PARD3B: variants seen among roughly 807,000 people sequenced by gnomAD.
PARD3B encodes the protein partitioning defective 3 homolog B.
In PARD3B, 103 loss-of-function variants were observed where a neutral mutation model predicts 130.2. That is an observed-to-expected ratio of 0.79 (90% CI 0.67 to 0.93). The LOEUF is 0.93. Ranked by LOEUF, PARD3B falls within the 40% of genes least tolerant of loss-of-function variation. The pLI is 0.00. For synonymous variants in PARD3B, 583 were observed against 553.2 expected, an observed-to-expected ratio of 1.05 and a Z score of -0.76; for missense variants, 1,609 against 1,499.2, an observed-to-expected ratio of 1.07 and a Z score of -1.21.
At chr2:205,344,579 C>T (rs2043678400) in intron 18 of PARD3B, among the ~76,000 whole-genome samples, 1 of 152,136 alleles carries the variant, frequency 6.6e-6, no homozygotes, top group Non-Finnish European at 1.5e-5. Flanking sequence ...TGACTTCAAC[C>T]CTTTTCTATG....
intron 2 of PARD3B, among the ~76,000 whole-genome samples, chr2:204,742,988 T>C (rs916223149): frequency 7.8e-4 from 119 of 152,318 alleles, no homozygotes; most frequent in African/African-American, 2.6e-3. Flanking sequence ...GTCCACACTC[T>C]TTGTTTTGTA....
rs778533377 is a variant in PARD3B, at chr2:205,300,642, G to A, written c.2298G>A (p.Arg766=). The A allele has an allele frequency of 1.1e-5, 17 of 1,613,760 alleles. No homozygotes were observed. Among genetic ancestry groups the A allele is most frequent in the African/African-American group, 1.3e-5 (1 of 74,894 alleles). The change falls in exon 17 of 23, where the codon AGG becomes AGA. Residue 766 remains arginine, a synonymous_variant. Coordinates refer to ENST00000406610, the MANE Select transcript of PARD3B (RefSeq NM_001302769.2). This position sits in a 1 kb window ranked among gnomAD's most constrained non-coding sequence, Gnocchi z 4.1. ...EVRKNDLPFH[R]PRPHMVRGRG... is the part of the protein sequence containing the mutation. ...GGAAGAATGACCTTCCCTTTCACAG[G>A]CCCCGGCCGCACATGGTTCGAGGCC...
intron 2 of PARD3B, among the ~76,000 whole-genome samples, chr2:204,830,840 G>T (rs904389960): frequency 6.6e-6 from 1 of 152,160 alleles, no homozygotes; most frequent in African/African-American, 2.4e-5. Context: ...CAAGGGAGGA[G>T]AACACTTATT....
At chr2:204,714,642 A>G (rs1451136897) in intron 2 of PARD3B, among the ~76,000 whole-genome samples, 14 of 152,212 alleles carry the variant, frequency 9.2e-5, no homozygotes, top group Admixed American at 9.2e-4. Flanking sequence ...AGATACAGCG[A>G]GAATATGCAC....
intron 10 of PARD3B, among the ~76,000 whole-genome samples, chr2:205,129,392 A>T (rs1322167832): frequency 6.6e-6 from 1 of 152,244 alleles, no homozygotes; most frequent in Admixed American, 6.5e-5. Flanking sequence ...ATAGTGTGGC[A>T]TACACCGGCC....
At chr2:204,931,109 AT>A (rs1687998036) in intron 2 of PARD3B, among the ~76,000 whole-genome samples, 1 of 152,124 alleles carries the variant, frequency 6.6e-6, no homozygotes, top group Non-Finnish European at 1.5e-5. Flanking sequence ...AGAAAAAAAA[AT>A]GAATCAACCT....
intron 1 of PARD3B, among the ~76,000 whole-genome samples, chr2:204,596,134 A>G (rs971518662): frequency 2.0e-5 from 3 of 152,206 alleles, no homozygotes; most frequent in African/African-American, 7.2e-5. Flanking sequence ...TGAAATCGTG[A>G]GATAAAGGAA....
At chr2:205,336,462 TCTTCATTTCTTCA>T (rs1469659971) in intron 18 of PARD3B, among the ~76,000 whole-genome samples, 1 of 152,220 alleles carries the variant, frequency 6.6e-6, no homozygotes, top group Non-Finnish European at 1.5e-5. Flanking sequence ...TCTTTCCTTC[TCTTCATTTCTTCA>T]CTATGTCTGC....
chr2:204,619,168 G>A (rs1428183072), intron 1 of PARD3B, among the ~76,000 whole-genome samples: 3 of 152,130 alleles, frequency 2.0e-5, no homozygotes, highest in Admixed American at 2.0e-4. Context: ...GTTCAGCAAG[G>A]TTGCAATGCT....
rs916312014 is a variant in PARD3B at position 205,460,815 on chromosome 2, A to G, written c.3044+20143A>G. Among the ~76,000 whole-genome samples the G allele has an allele frequency of 6.6e-6, 1 of 151,992 alleles. No individual in the cohort carries two copies. The highest frequency in any genetic ancestry group is 2.4e-5 in the African/African-American group (1 of 41,378). On this transcript the variant is annotated intron_variant, in intron 20 of 22. Coordinates refer to ENST00000406610, the MANE Select transcript of PARD3B (RefSeq NM_001302769.2). The surrounding 1 kb of genome is among the most constrained non-coding windows in gnomAD (Gnocchi z 4.9). ...GCAAGTTGTAGCCATTTTTTTCCTC[A>G]CTTTTCTACCACTATTGGTTGAAGT...
At chr2:205,063,383 G>T (rs1234290228) in intron 4 of PARD3B, among the ~76,000 whole-genome samples, 1 of 151,816 alleles carries the variant, frequency 6.6e-6, no homozygotes, top group East Asian at 1.9e-4. Context: ...GAGTTTTCCT[G>T]GATTTCTAAA....
rs2052997749 is a variant in PARD3B, at chr2:205,558,529, C to A, written c.3260+5126C>A. Among the ~76,000 whole-genome samples, 1 of 152,164 alleles carries A rather than the reference C, an allele frequency of 6.6e-6. No homozygotes were observed. Among genetic ancestry groups the A allele is most frequent in the Non-Finnish European group, 1.5e-5 (1 of 68,022 alleles). On this transcript the variant is annotated intron_variant, in intron 22 of 22. Transcript: ENST00000406610. The surrounding 1 kb of genome is among the most constrained non-coding windows in gnomAD (Gnocchi z 4.8). ...GCTCAACCCTCCTTTTCCCACATTT[C>A]CTAAGAAAAAGTGGGCTATACCTGT...
In PARD3B at chr2:204,678,320, C is replaced by T. The variant is rs1319242012; in HGVS notation, c.121-7861C>T. On this transcript the variant is annotated intron_variant, in intron 1 of 22. Transcript: ENST00000406610. The surrounding 1 kb of genome is among the most constrained non-coding windows in gnomAD (Gnocchi z 4.2). ...CAGAGGTTGTGTATTACAAACAATG[C>T]CCTTTTGGTTGTTGCCTTCAACAGA... 6.6e-6 allele frequency among the ~76,000 whole-genome samples: 1 copy of T among 152,122 alleles called. No homozygotes were observed. The highest frequency in any genetic ancestry group is 1.9e-4 in the East Asian group (1 of 5,178).
At chr2:204,787,236 C>G (rs1172642160) in intron 2 of PARD3B, among the ~76,000 whole-genome samples, 1 of 138,676 alleles carries the variant, frequency 7.2e-6, no homozygotes, top group Non-Finnish European at 1.6e-5. Context: ...CCAGGGCTAC[C>G]TTGGCACTCA....
In PARD3B at chr2:205,237,387, T is replaced by C. The variant is rs116408965; in HGVS notation, c.2141-8391T>C. On this transcript the variant is annotated intron_variant, in intron 15 of 22. Transcript: ENST00000406610. ...AAAGTGTAGGTGGGAGCCACCACAC[T>C]CAGCCAGTTGTTATCCTTTATACCT... Among the ~76,000 whole-genome samples the C allele has an allele frequency of 7.2e-3, 1,098 of 152,260 alleles. 15 individuals carry two copies. Among genetic ancestry groups the C allele is most frequent in the African/African-American group, 0.025 (1,041 of 41,560 alleles).
chr2:204,806,045 A>G (rs1053253639), intron 2 of PARD3B, among the ~76,000 whole-genome samples: 2 of 152,160 alleles, frequency 1.3e-5, no homozygotes, highest in African/African-American at 2.4e-5. Context: ...CAATATTGCT[A>G]AAATGTACGT....
At chr2:204,625,645 A>G (rs1290367641) in intron 1 of PARD3B, among the ~76,000 whole-genome samples, 2 of 152,350 alleles carry the variant, frequency 1.3e-5, no homozygotes, top group South Asian at 2.1e-4. Flanking sequence ...ATACATTGCT[A>G]TTAGCTCTAG....
chr2:205,110,833 A>T (rs1559448444), intron 5 of PARD3B, among the ~76,000 whole-genome samples: 1 of 152,100 alleles, frequency 6.6e-6, no homozygotes, highest in Non-Finnish European at 1.5e-5. Flanking sequence ...TCTAGAGTTT[A>T]TCTAAACAAA....
chr2:204,861,162 T>TCTC (rs2045171094), intron 2 of PARD3B, among the ~76,000 whole-genome samples: 6 of 91,312 alleles, frequency 6.6e-5, no homozygotes, highest in Non-Finnish European at 9.7e-5. Context: ...CCTAATACCT[T>TCTC]TCTCTCTCTC....
Sources: allele counts gnomAD v4.1 joint callset (sites outside exome capture counted in the v4.1 genomes callset), GRCh38; gene constraint gnomAD v4.1.1; non-coding constraint Gnocchi (gnomAD v3.1); transcripts MANE v1.5; gene names NCBI Gene and HGNC (gene_info 2026-07-23, HGNC 2026-07-21).